The following MGAT5 variants were observed in gnomAD, a reference collection of about 807,000 sequenced individuals.
The protein encoded by MGAT5 is alpha-1,6-mannosylglycoprotein 6-beta-N-acetylglucosaminyltransferase, also known as alpha-1,6-mannosylglycoprotein 6-beta-N-acetylglucosaminyltransferase A.
Under a neutral mutation model 94.3 loss-of-function variants are expected in MGAT5, and 30 were observed. That is an observed-to-expected ratio of 0.32 (90% CI 0.24 to 0.43). The LOEUF is 0.43. MGAT5 is among the 20% of genes least tolerant of loss of function. MGAT5 has a pLI of 1.00. For missense variants in MGAT5, 691 were observed against 905.5 expected, an observed-to-expected ratio of 0.76 and a Z score of 3.04; for synonymous variants, 310 against 322.9, an observed-to-expected ratio of 0.96 and a Z score of 0.43.
At chr2:134,229,931 C>G (rs1271667337) in intron 1 of MGAT5, among the ~76,000 whole-genome samples, 3 of 152,174 alleles carry the variant, frequency 2.0e-5, no homozygotes, top group African/African-American at 7.2e-5. Context: ...TGCTCACTCT[C>G]TTTAGTCAGC....
rs1679850968 is a variant in MGAT5, at chr2:134,202,725, A to T, written c.-142-51537A>T. Among the ~76,000 whole-genome samples the T allele has an allele frequency of 2.6e-5, 4 of 152,200 alleles. No individual in the cohort carries two copies. In the South Asian group the frequency reaches 8.3e-4, roughly 32 times the overall value. ...TTTTAGCCAGGATCTTTTTAAAGAC[A>T]TTCTTTAATCCTATACGGCCAATTG... On this transcript the variant is annotated intron_variant, in intron 1 of 16. Coordinates refer to the MGAT5 transcript ENST00000409645.
intron 1 of MGAT5, among the ~76,000 whole-genome samples, chr2:134,191,731 C>CCCTCCTCCT (rs530032788): frequency 7.2e-6 from 1 of 139,386 alleles, no homozygotes; most frequent in Non-Finnish European, 1.5e-5. Flanking sequence ...TGGGTTCGCG[C>CCCTCCTCCT]CCTCCTCCTC....
chr2:134,159,749 G>A (rs1249639648), intron 1 of MGAT5, among the ~76,000 whole-genome samples: 2 of 152,128 alleles, frequency 1.3e-5, no homozygotes, highest in East Asian at 1.9e-4. Flanking sequence ...CTCCACTCCC[G>A]CCCCAGAGGT....
chr2:134,278,086 C>G (rs1430858167), intron 2 of MGAT5, among the ~76,000 whole-genome samples: 1 of 152,148 alleles, frequency 6.6e-6, no homozygotes, highest in Non-Finnish European at 1.5e-5. Flanking sequence ...TCAGCTGTGT[C>G]CTCTCAGGTA....
chr2:134,352,177 C>T (rs539033115), intron 9 of MGAT5, among the ~76,000 whole-genome samples: 12 of 152,274 alleles, frequency 7.9e-5, no homozygotes, highest in African/African-American at 2.6e-4. Flanking sequence ...CATTTTCTTT[C>T]TTCAACTAAG....
At chr2:134,276,970 G>A (rs1333294099) in intron 2 of MGAT5, among the ~76,000 whole-genome samples, 1 of 152,146 alleles carries the variant, frequency 6.6e-6, no homozygotes, top group Non-Finnish European at 1.5e-5. Flanking sequence ...ATAGCTGGGT[G>A]ACTCATTATT....
chr2:134,385,757 T>C (rs1681933199), intron 10 of MGAT5, among the ~76,000 whole-genome samples: 1 of 152,170 alleles, frequency 6.6e-6, no homozygotes, highest in Non-Finnish European at 1.5e-5. Context: ...TTTGACAATA[T>C]GACACTAGGG....
chr2:134,311,524 A>G (rs906125734), intron 2 of MGAT5, among the ~76,000 whole-genome samples: 2 of 151,910 alleles, frequency 1.3e-5, no homozygotes, highest in Non-Finnish European at 2.9e-5. Context: ...CTCGCATGCA[A>G]ACTCCTGTCT....
chr2:134,173,855 C>T (rs960839153), intron 1 of MGAT5, among the ~76,000 whole-genome samples: 6 of 152,282 alleles, frequency 3.9e-5, no homozygotes, highest in South Asian at 2.1e-4. Flanking sequence ...TAGCCTTCAG[C>T]GTATAAAGCA....
chr2:134,404,942 C>T (rs1683250258), intron 11 of MGAT5, among the ~76,000 whole-genome samples: 1 of 152,224 alleles, frequency 6.6e-6, no homozygotes, highest in African/African-American at 2.4e-5. Flanking sequence ...CCATTTGCCT[C>T]ATTTTACTTT....
intron 1 of MGAT5, among the ~76,000 whole-genome samples, chr2:134,153,732 CAG>C (rs563285218): frequency 2.8e-4 from 42 of 152,254 alleles, no homozygotes; most frequent in Admixed American, 1.7e-3. Context: ...GCCACTCACT[CAG>C]AGTCTTACAG....
intron 4 of MGAT5, among the ~76,000 whole-genome samples, chr2:134,334,431 G>A (rs1688210662): frequency 6.8e-6 from 1 of 147,886 alleles, no homozygotes; most frequent in African/African-American, 2.5e-5. Context: ...CTGGTGGGTG[G>A]CTGGTAAATT....
At chr2:134,377,775 G>C (rs1681276439) in intron 10 of MGAT5, among the ~76,000 whole-genome samples, 2 of 152,122 alleles carry the variant, frequency 1.3e-5, no homozygotes, top group Non-Finnish European at 2.9e-5. Flanking sequence ...TTTTCATGTT[G>C]AGTACTTTTT....
chr2:134,294,127 GGA>G (rs1178437488), intron 2 of MGAT5, among the ~76,000 whole-genome samples: 1 of 152,164 alleles, frequency 6.6e-6, no homozygotes. Flanking sequence ...GGCAAATGGA[GGA>G]GAGAGAAGTT....
At chr2:134,297,076 G>A (rs147513115) in intron 2 of MGAT5, among the ~76,000 whole-genome samples, 480 of 151,576 alleles carry the variant, frequency 3.2e-3, no homozygotes, top group African/African-American at 0.011. Flanking sequence ...ACACACTTGT[G>A]GTCCTAGCTA....
At chr2:134,221,037 C>A (rs1322394060) in intron 1 of MGAT5, among the ~76,000 whole-genome samples, 10 of 152,132 alleles carry the variant, frequency 6.6e-5, no homozygotes, top group Admixed American at 4.6e-4. Context: ...CAGTTGAGAG[C>A]CCCACTCTTT....
At chr2:134,335,173 C>T (rs909723172) in intron 4 of MGAT5, among the ~76,000 whole-genome samples, 2 of 147,418 alleles carry the variant, frequency 1.4e-5, no homozygotes. Context: ...ACTGAGAGGG[C>T]ACACTGTCTT....
At chr2:134,216,447 A>G (rs893648022) in intron 1 of MGAT5, among the ~76,000 whole-genome samples, 1 of 152,228 alleles carries the variant, frequency 6.6e-6, no homozygotes, top group Non-Finnish European at 1.5e-5. Flanking sequence ...CCACTTGACA[A>G]CTGAAAGCAC....
At chr2:134,131,882 G>T (rs1351327330) in intron 1 of MGAT5, among the ~76,000 whole-genome samples, 2 of 152,212 alleles carry the variant, frequency 1.3e-5, no homozygotes, top group African/African-American at 4.8e-5. Flanking sequence ...CTAGCCCAGT[G>T]GAGGGGGCCA....
Sources: gnomAD v4.1 joint callset for allele counts (sites outside exome capture counted in the v4.1 genomes callset) on GRCh38, gnomAD v4.1.1 for gene constraint, MANE v1.5 for transcripts, NCBI Gene and HGNC (gene_info 2026-07-23, HGNC 2026-07-21) for gene names.